The following KDM6A variants were observed in gnomAD, a reference collection of about 807,000 sequenced individuals.
KDM6A encodes the protein lysine-specific demethylase 6A.
A neutral mutation model predicts 117.6 loss-of-function variants in KDM6A; 11 were observed. That is an observed-to-expected ratio of 0.09 (90% CI 0.06 to 0.15). The LOEUF (loss-of-function observed/expected upper bound fraction) is 0.15, where lower values mean the gene tolerates loss of function less well. Among genes scored for constraint, KDM6A ranks in the 10% least tolerant of loss-of-function variants. The probability of loss-of-function intolerance (pLI) is 1.00; values close to 1 mark genes in which losing one functional copy is unlikely to be tolerated. For missense variants in KDM6A, 799 were observed against 1,077.3 expected (o/e 0.74, Z 3.62); for synonymous variants, 384 against 396.1 (o/e 0.97, Z 0.36).
chrX:45,042,995 G>T (rs986873728), intron 8 of KDM6A, among the ~76,000 whole-genome samples: 2 of 112,725 alleles, frequency 1.8e-5, no homozygotes, highest in African/African-American at 3.2e-5. Context: ...TGTTTGAAAG[G>T]CAAAAAGGTC....
At chrX:44,991,416 T>G (rs1289414843) in intron 4 of KDM6A, among the ~76,000 whole-genome samples, 5 of 110,006 alleles carry the variant, frequency 4.5e-5, no homozygotes, top group African/African-American at 1.7e-4. Context: ...TCCAGACCAC[T>G]ATCTAGTTCA....
Position 45,074,315 on chromosome X carries a change from T to C in KDM6A, c.2859-2382T>C, listed in dbSNP as rs147803292. On this transcript the variant is annotated intron_variant, in intron 18 of 29. Transcript: ENST00000611820. ...CAACTCCTTTCTCCACTTTGGATTT[T>C]TATATGAAAGTTTTATTATTTGGCT... Among the ~76,000 whole-genome samples the C allele has an allele frequency of 4.2e-3, 466 of 112,215 alleles. 5 individuals are homozygous for C. The South Asian group carries it at 0.057, about 14-fold the overall frequency.
At chrX:45,076,870 C>T in intron 19 of KDM6A, 44 bp downstream of exon 19, 1 of 1,103,353 alleles carries the variant, frequency 9.1e-7, no homozygotes, top group South Asian at 1.9e-5. Context: ...GTGTTTGCAA[C>T]TACCTGTCTT....
At chrX:44,873,864 C>G in intron 1 of KDM6A, 60 bp from the exon 2 acceptor site, 1 of 1,172,699 alleles carries the variant, frequency 8.5e-7, no homozygotes, top group South Asian at 1.8e-5. Context: ...CGGGCTCGGG[C>G]AGGGACGGGT....
chrX:45,093,609 A>G (rs1199134288), intron 27 of KDM6A, among the ~76,000 whole-genome samples: 1 of 110,585 alleles, frequency 9.0e-6, no homozygotes, highest in African/African-American at 3.3e-5. Context: ...TGGTTGAGTG[A>G]GAGGGAAAAA....
chrX:44,912,174 C>T lies in KDM6A; in HGVS notation c.225+38187C>T, dbSNP rs756154381. ...CGAGATCTTGGCTCACTGCAACCTT[C>T]GCCTCCCAGGTTGAAGTGATTCTGC... On this transcript the variant is annotated intron_variant, in intron 2 of 29. Coordinates refer to ENST00000611820, the MANE Select transcript of KDM6A (RefSeq NM_001291415.2). 8.1e-5 allele frequency among the ~76,000 whole-genome samples: 9 copies of T among 110,860 alleles called. No individual in the cohort carries two copies. In the East Asian group the frequency reaches 8.6e-4, roughly 11 times the overall value.
intron 8 of KDM6A, among the ~76,000 whole-genome samples, chrX:45,041,088 T>C (rs1602690665): frequency 1.6e-5 from 1 of 63,762 alleles, no homozygotes; most frequent in Non-Finnish European, 2.8e-5. Flanking sequence ...GAGGCACCCC[T>C]CACCTCCCGG....
At chrX:44,930,202 T>C (rs975796541) in intron 2 of KDM6A, among the ~76,000 whole-genome samples, 1 of 111,475 alleles carries the variant, frequency 9.0e-6, no homozygotes, top group South Asian at 3.7e-4. Context: ...ATTCTAGATA[T>C]AAGTGCTTGA....
chrX:45,004,238 T>C, intron 4 of KDM6A, among the ~76,000 whole-genome samples: 1 of 110,976 alleles, frequency 9.0e-6, no homozygotes, highest in Non-Finnish European at 1.9e-5. Flanking sequence ...ATGAGGACCT[T>C]GGTCCTCCAG....
chrX:45,056,555 G>A (rs2044079849), intron 10 of KDM6A, among the ~76,000 whole-genome samples: 1 of 112,118 alleles, frequency 8.9e-6, no homozygotes. Context: ...AGGGACCAGG[G>A]AGGTCATCTA....
chrX:45,052,654 T>A (rs2043904713), intron 9 of KDM6A, among the ~76,000 whole-genome samples: 1 of 111,742 alleles, frequency 8.9e-6, no homozygotes, highest in Admixed American at 9.5e-5. Context: ...GGCTTTATTA[T>A]GAAGGCAATG....
At chrX:44,964,035 G>A (rs1387613485) in intron 3 of KDM6A, among the ~76,000 whole-genome samples, 2 of 110,747 alleles carry the variant, frequency 1.8e-5, no homozygotes, top group African/African-American at 6.6e-5. Flanking sequence ...GACCTCAAAT[G>A]TTCTTAATGG....
At chrX:45,066,295 T>C (rs892576447) in intron 17 of KDM6A, among the ~76,000 whole-genome samples, 3 of 111,967 alleles carry the variant, frequency 2.7e-5, no homozygotes, top group African/African-American at 9.7e-5. Flanking sequence ...TGCTTACAGT[T>C]GTTTGGGCTA....
intron 4 of KDM6A, among the ~76,000 whole-genome samples, chrX:44,986,403 T>C (rs761575845): frequency 8.9e-5 from 10 of 111,796 alleles, no homozygotes; most frequent in Non-Finnish European, 1.9e-4. Flanking sequence ...TTGGTGTCTC[T>C]ATTTCCTTCA....
intron 2 of KDM6A, among the ~76,000 whole-genome samples, chrX:44,928,805 C>T (rs750310711): frequency 9.0e-6 from 1 of 110,509 alleles, no homozygotes; most frequent in Non-Finnish European, 1.9e-5. Flanking sequence ...TTTATACTTA[C>T]GGGAATAAAA....
At chrX:44,988,849 G>A (rs1338354688) in intron 4 of KDM6A, among the ~76,000 whole-genome samples, 4 of 110,867 alleles carry the variant, frequency 3.6e-5, no homozygotes, top group Non-Finnish European at 7.6e-5. Flanking sequence ...TAGGCTACTC[G>A]GGGGTCAGGG....
chrX:44,893,658 C>T (rs926871840), intron 2 of KDM6A, among the ~76,000 whole-genome samples: 2 of 109,260 alleles, frequency 1.8e-5, no homozygotes, highest in Non-Finnish European at 3.8e-5. Flanking sequence ...TACAGGTGCC[C>T]GCCACCATGC....
intron 27 of KDM6A, among the ~76,000 whole-genome samples, chrX:45,102,288 T>A (rs1233598187): frequency 8.9e-6 from 1 of 111,957 alleles, no homozygotes; most frequent in East Asian, 2.8e-4. Context: ...GTGAATCTTA[T>A]CAGACAAATT....
At chrX:44,941,504 A>G (rs1195800906) in intron 2 of KDM6A, among the ~76,000 whole-genome samples, 1 of 99,870 alleles carries the variant, frequency 1.0e-5, no homozygotes, top group African/African-American at 4.2e-5. Context: ...TTTTTAAAAT[A>G]GAGTCTCGCT....
Sources: gnomAD v4.1 joint callset for allele counts (sites outside exome capture counted in the v4.1 genomes callset) on GRCh38, gnomAD v4.1.1 for gene constraint, MANE v1.5 for transcripts, NCBI Gene and HGNC (gene_info 2026-07-23, HGNC 2026-07-21) for gene names.